The following PPP2R2C variants were observed in gnomAD, a reference collection of about 807,000 sequenced individuals.
PPP2R2C encodes the protein protein phosphatase 2, regulatory subunit B, gamma.
Under a neutral mutation model 45.3 loss-of-function variants are expected in PPP2R2C, and 10 were observed. The observed-to-expected ratio is 0.22, with a 90% CI of 0.14 to 0.37. The LOEUF is 0.37. PPP2R2C is among the 10% of genes least tolerant of loss of function. PPP2R2C has a pLI of 1.00. For missense variants in PPP2R2C, 308 were observed against 619.7 expected, an observed-to-expected ratio of 0.50 and a Z score of 5.34; for synonymous variants, 257 against 245.4, an observed-to-expected ratio of 1.05 and a Z score of -0.44.
intron 2 of PPP2R2C, among the ~76,000 whole-genome samples, chr4:6,479,618 A>G (rs915204048): frequency 6.6e-6 from 1 of 152,204 alleles, no homozygotes; most frequent in Non-Finnish European, 1.5e-5. Context: ...GAAGTAAAGG[A>G]AAATATAAAA....
At chr4:6,560,180 C>T (rs1270188222) in intron 1 of PPP2R2C, among the ~76,000 whole-genome samples, 1 of 152,172 alleles carries the variant, frequency 6.6e-6, no homozygotes, top group East Asian at 1.9e-4. Context: ...CCATGCAAGA[C>T]CCATGCAAGA....
At chr4:6,555,549 T>C (rs1346555595) in intron 1 of PPP2R2C, 2 of 152,290 alleles carry the variant, frequency 1.3e-5, no homozygotes, top group African/African-American at 4.8e-5. Context: ...GTGTGTTGTC[T>C]GGAGGCCGGT....
intron 1 of PPP2R2C, among the ~76,000 whole-genome samples, chr4:6,388,524 G>A (rs942160980): frequency 2.6e-5 from 4 of 152,208 alleles, no homozygotes; most frequent in Non-Finnish European, 5.9e-5. Context: ...ATCCTGATAA[G>A]AAGTCCATAT....
chr4:6,556,751 C>T (rs759402263), intron 1 of PPP2R2C, among the ~76,000 whole-genome samples: 1 of 152,028 alleles, frequency 6.6e-6, no homozygotes. Flanking sequence ...GCAACATGAG[C>T]AACCAGATTC....
chr4:6,338,809 C>T (rs770792161), intron 6 of PPP2R2C, among the ~76,000 whole-genome samples: 7 of 152,272 alleles, frequency 4.6e-5, no homozygotes, highest in Admixed American at 3.3e-4. Flanking sequence ...CCCTGCCTCC[C>T]GTAGCCCCTG....
intron 2 of PPP2R2C, among the ~76,000 whole-genome samples, chr4:6,518,425 A>G (rs1723898388): frequency 6.6e-6 from 1 of 152,230 alleles, no homozygotes; most frequent in Non-Finnish European, 1.5e-5. Context: ...AGGAAAAAGG[A>G]GAAGGACACA....
At chr4:6,417,958 C>T (rs1176669190) in intron 1 of PPP2R2C, among the ~76,000 whole-genome samples, 1 of 152,112 alleles carries the variant, frequency 6.6e-6, no homozygotes, top group African/African-American at 2.4e-5. Context: ...GTGGCCTGAC[C>T]CTCTGCCGCT....
At position 6,456,833 on chromosome 4, in the gene PPP2R2C, T is replaced by A. The variant is rs112637216; in HGVS notation, c.70+15327A>T. Among the ~76,000 whole-genome samples, 1,324 of 152,292 alleles carry A rather than the reference T, an allele frequency of 8.7e-3. 18 individuals are homozygous for A. Among genetic ancestry groups the A allele is most frequent in the African/African-American group, 0.03 (1,240 of 41,572 alleles). On this transcript the variant is annotated intron_variant, in intron 1 of 8. Coordinates refer to ENST00000382599, the MANE Select transcript of PPP2R2C (RefSeq NM_020416.4). ...GAAACATCACTGTGGCCTGGCCACG[T>A]GGAGGGCCCATGCGGTGACCACTCT...
rs1015238049 is a variant in PPP2R2C, at chr4:6,522,405, C to A, written c.49+12866G>T. 4.6e-5 allele frequency among the ~76,000 whole-genome samples: 7 copies of A among 152,318 alleles called. No homozygotes were observed. The South Asian group carries it at 1.5e-3, about 32-fold the overall frequency. ...GAGGCTGGCGAGGTCCACAATGTGC[C>A]CCCCCAGACCCCACAGCTGGGGACA... is the stretch of plus-strand genomic sequence containing the variant. On this transcript the variant is annotated intron_variant, in intron 2 of 9. Transcript: ENST00000506140.
At chr4:6,498,053 C>A (rs1722928954) in intron 2 of PPP2R2C, among the ~76,000 whole-genome samples, 1 of 152,188 alleles carries the variant, frequency 6.6e-6, no homozygotes, top group African/African-American at 2.4e-5. Context: ...CACCCAAACC[C>A]CAGCAATTTC....
intron 2 of PPP2R2C, among the ~76,000 whole-genome samples, chr4:6,518,603 T>C (rs766604988): frequency 8.5e-5 from 13 of 152,192 alleles, no homozygotes; most frequent in Non-Finnish European, 1.2e-4. Context: ...CAATAAGAAA[T>C]AGACTATCTA....
intron 2 of PPP2R2C, among the ~76,000 whole-genome samples, chr4:6,517,986 A>G (rs1354359095): frequency 6.6e-6 from 1 of 152,230 alleles, no homozygotes; most frequent in Non-Finnish European, 1.5e-5. Flanking sequence ...TGCAAAGCGG[A>G]AAAAGAAGCA....
Position 6,522,431 on chromosome 4 carries a change from C to A in PPP2R2C, c.49+12840G>T, listed in dbSNP as rs150349714. 2.0e-5 allele frequency among the ~76,000 whole-genome samples: 3 copies of A among 152,362 alleles called. No individual in the cohort carries two copies. The East Asian group carries it at 5.8e-4, about 29-fold the overall frequency. ...CCCCCAGACCCCACAGCTGGGGACA[C>A]AAGTGAATCCAGACCTGAGATTCCA... On this transcript the variant is annotated intron_variant, in intron 2 of 9. Coordinates refer to the PPP2R2C transcript ENST00000506140.
At chr4:6,487,033 G>A (rs2108782634) in intron 2 of PPP2R2C, among the ~76,000 whole-genome samples, 1 of 151,908 alleles carries the variant, frequency 6.6e-6, no homozygotes, top group South Asian at 2.1e-4. Context: ...TTATTTTAAG[G>A]TTTACAGTAT....
intron 5 of PPP2R2C, among the ~76,000 whole-genome samples, chr4:6,365,515 G>A (rs754138313): frequency 5.9e-5 from 9 of 152,190 alleles, no homozygotes; most frequent in Non-Finnish European, 7.3e-5. Context: ...TGGGATAAAG[G>A]GGGTGCAGAA....
intron 2 of PPP2R2C, among the ~76,000 whole-genome samples, chr4:6,507,088 GC>G (rs1360948908): frequency 2.0e-5 from 3 of 152,202 alleles, no homozygotes; most frequent in Non-Finnish European, 4.4e-5. Context: ...GGAAAGACCA[GC>G]CAGGACAGTG....
chr4:6,355,437 G>A (rs972456011), intron 5 of PPP2R2C, among the ~76,000 whole-genome samples: 1 of 151,918 alleles, frequency 6.6e-6, no homozygotes, highest in African/African-American at 2.4e-5. Flanking sequence ...GTTAGTGGGT[G>A]CAGCACACCA....
At chr4:6,518,922 T>TTAAAAAA (rs1354788203) in intron 2 of PPP2R2C, among the ~76,000 whole-genome samples, 4 of 92,902 alleles carry the variant, frequency 4.3e-5, no homozygotes, top group African/African-American at 1.9e-4. Flanking sequence ...GACTCTGTCT[T>TTAAAAAA]AAAAAAAAAA....
At chr4:6,439,595 C>A (rs114009487) in intron 1 of PPP2R2C, among the ~76,000 whole-genome samples, 42 of 152,316 alleles carry the variant, frequency 2.8e-4, no homozygotes, top group Non-Finnish European at 5.9e-4. Flanking sequence ...CAGCCCCTCC[C>A]GCTTCGTCTC....
Sources: gnomAD v4.1 joint callset for allele counts (sites outside exome capture counted in the v4.1 genomes callset) on GRCh38, gnomAD v4.1.1 for gene constraint, MANE v1.5 for transcripts, NCBI Gene and HGNC (gene_info 2026-07-23, HGNC 2026-07-21) for gene names.